Variants in CEMIP observed in about 807,000 individuals in gnomAD.
CEMIP encodes cell migration inducing hyaluronidase 1.
In CEMIP, 105 loss-of-function variants were observed where a neutral mutation model predicts 156.9. That is an observed-to-expected ratio of 0.67 (90% CI 0.57 to 0.79). The LOEUF is 0.79. CEMIP is among the 30% of genes least tolerant of loss of function. CEMIP has a pLI of 0.00. For synonymous variants in CEMIP, 676 were observed against 668.4 expected, an observed-to-expected ratio of 1.01 and a Z score of -0.17; for missense variants, 1,457 against 1,769.4, an observed-to-expected ratio of 0.82 and a Z score of 3.17.
intron 1 of CEMIP, among the ~76,000 whole-genome samples, chr15:80,784,511 G>A (rs1895878833): frequency 6.6e-6 from 1 of 152,148 alleles, no homozygotes; most frequent in Non-Finnish European, 1.5e-5. Flanking sequence ...CAGTGGCCTG[G>A]AGGACAGGCA....
In CEMIP at chr15:80,914,388, T is replaced by C. The variant is rs561415112; in HGVS notation, c.1797+5082T>C. Among the ~76,000 whole-genome samples, 3 of 152,308 alleles carry C rather than the reference T, an allele frequency of 2.0e-5. No homozygotes were observed. In the East Asian group the frequency reaches 5.8e-4, roughly 29 times the overall value. Reference sequence around the variant, plus strand: ...TGCTCAAAATGTGCTATCTTTGACATAAATGCTTCCAATAGCCACAAGATG... The same window carrying C: ...TGCTCAAAATGTGCTATCTTTGACACAAATGCTTCCAATAGCCACAAGATG... On this transcript the variant is annotated intron_variant, in intron 14 of 29. Transcript: ENST00000394685.
intron 16 of CEMIP, 49 bp downstream of exon 16, chr15:80,921,150 A>G (rs1315835588): frequency 6.5e-7 from 1 of 1,530,380 alleles, no homozygotes; most frequent in East Asian, 2.3e-5. Flanking sequence ...TGGGGGCTGG[A>G]GTCAGGGAGA....
chr15:80,849,005 T>TGA (rs1316051106), intron 1 of CEMIP, among the ~76,000 whole-genome samples: 119 of 106,960 alleles, frequency 1.1e-3, no homozygotes, highest in Non-Finnish European at 1.9e-3. Flanking sequence ...TTTTTTTTTT[T>TGA]GAGAGAGATA....
At chr15:80,853,260 G>A (rs1198429819) in intron 1 of CEMIP, among the ~76,000 whole-genome samples, 1 of 152,180 alleles carries the variant, frequency 6.6e-6, no homozygotes, top group Non-Finnish European at 1.5e-5. Flanking sequence ...AATGGAAAGG[G>A]GGGAAAAGCA....
intron 10 of CEMIP, among the ~76,000 whole-genome samples, chr15:80,894,111 C>G (rs768590437): frequency 6.6e-6 from 1 of 152,194 alleles, no homozygotes; most frequent in African/African-American, 2.4e-5. Context: ...TCACTCTGTG[C>G]CAGGCCCTGG....
intron 6 of CEMIP, among the ~76,000 whole-genome samples, chr15:80,881,580 G>A (rs576292420): frequency 2.0e-5 from 3 of 152,326 alleles, no homozygotes; most frequent in East Asian, 3.9e-4. Flanking sequence ...ATTCTCAAAC[G>A]ATGGAAAGGC....
rs564424758 is a variant in CEMIP at position 80,881,131 on chromosome 15, T to C, written c.612T>C (p.Ser204=). Reference sequence around the variant, plus strand: ...CCAAATCAGGCACAGTCATCCATTCTGACCGGTAAGGTTTGCCTTCACTTA... The same window carrying C: ...CCAAATCAGGCACAGTCATCCATTCCGACCGGTAAGGTTTGCCTTCACTTA... ...IDPKSGTVIH[S]DRFDTYRSKK... Residue 204 remains serine (S), a synonymous_variant, in exon 6 of 30, where the codon TCT becomes TCC. Transcript: ENST00000394685. The C allele has an allele frequency of 3.7e-6, 6 of 1,613,734 alleles. No individual in the cohort carries two copies. The African/African-American group carries it at 4.0e-5, about 11-fold the overall frequency.
intron 1 of CEMIP, among the ~76,000 whole-genome samples, chr15:80,811,447 T>C (rs1444835687): frequency 1.3e-5 from 2 of 152,242 alleles, no homozygotes; most frequent in Non-Finnish European, 2.9e-5. Context: ...CTTCTGGACA[T>C]GGTCAAGTGA....
rs1166506208 is a variant in CEMIP, at chr15:80,780,387, T to A, written c.-176+773T>A. On this transcript the variant is annotated intron_variant, in intron 1 of 29. Coordinates refer to ENST00000394685, the MANE Select transcript of CEMIP (RefSeq NM_001293298.2). ...GCTGGCCAGGTCTCCAGCTCGCCGC[T>A]CTGGGAACGAAGGCCAGTGACATTC... Among the ~76,000 whole-genome samples, 5 of 152,222 alleles carry A rather than the reference T, an allele frequency of 3.3e-5. No individual in the cohort carries two copies. In the East Asian group the frequency reaches 9.7e-4, roughly 30 times the overall value.
intron 1 of CEMIP, among the ~76,000 whole-genome samples, chr15:80,841,106 G>A (rs1897403978): frequency 6.6e-6 from 1 of 152,210 alleles, no homozygotes; most frequent in Admixed American, 6.5e-5. Context: ...GGCACCTGTG[G>A]CTTTGCCAGC....
At chr15:80,869,993 G>C (rs1320771781) in intron 1 of CEMIP, among the ~76,000 whole-genome samples, 1 of 152,174 alleles carries the variant, frequency 6.6e-6, no homozygotes, top group Non-Finnish European at 1.5e-5. Flanking sequence ...CATGGCTTGA[G>C]CACTGACCAC....
At chr15:80,910,420 T>A (rs116172234) in intron 14 of CEMIP, among the ~76,000 whole-genome samples, 2 of 152,090 alleles carry the variant, frequency 1.3e-5, no homozygotes, top group South Asian at 4.1e-4. Context: ...GGCATTTGAG[T>A]TTGTAAGCAC....
intron 28 of CEMIP, among the ~76,000 whole-genome samples, chr15:80,943,568 C>G (rs997107776): frequency 6.6e-6 from 1 of 152,218 alleles, no homozygotes; most frequent in Non-Finnish European, 1.5e-5. Flanking sequence ...CCAAACCAGC[C>G]ACTCATCCTA....
intron 1 of CEMIP, among the ~76,000 whole-genome samples, chr15:80,802,007 C>G (rs1292400486): frequency 6.6e-6 from 1 of 152,176 alleles, no homozygotes; most frequent in African/African-American, 2.4e-5. Flanking sequence ...ACTTGAGCAT[C>G]TGGAGAGTGT....
intron 17 of CEMIP, among the ~76,000 whole-genome samples, chr15:80,923,640 GC>G (rs1014939728): frequency 2.0e-5 from 3 of 152,158 alleles, no homozygotes; most frequent in African/African-American, 7.2e-5. Flanking sequence ...AGAACCTCCA[GC>G]TGGATGGATT....
intron 1 of CEMIP, among the ~76,000 whole-genome samples, chr15:80,855,956 C>A (rs1897844019): frequency 6.6e-6 from 1 of 152,206 alleles, no homozygotes; most frequent in Non-Finnish European, 1.5e-5. Context: ...TCTACTGATA[C>A]ACACAGCAAC....
At chr15:80,821,899 A>C (rs1254377650) in intron 1 of CEMIP, among the ~76,000 whole-genome samples, 2 of 152,216 alleles carry the variant, frequency 1.3e-5, no homozygotes, top group East Asian at 1.9e-4. Context: ...TCTTGGAAGC[A>C]CTTGAACTTT....
chr15:80,878,495 A>T (rs1026918888), intron 3 of CEMIP, among the ~76,000 whole-genome samples: 1 of 152,210 alleles, frequency 6.6e-6, no homozygotes, highest in Non-Finnish European at 1.5e-5. Context: ...AAGGGAAGTG[A>T]CTTATTCACA....
At chr15:80,858,446 G>A (rs1897904777) in intron 1 of CEMIP, among the ~76,000 whole-genome samples, 1 of 152,146 alleles carries the variant, frequency 6.6e-6, no homozygotes, top group Non-Finnish European at 1.5e-5. Context: ...GGGCTTGGTG[G>A]CTCACGCCTG....
Sources: allele counts gnomAD v4.1 joint callset (sites outside exome capture counted in the v4.1 genomes callset), GRCh38; gene constraint gnomAD v4.1.1; transcripts MANE v1.5; gene names NCBI Gene and HGNC (gene_info 2026-07-23, HGNC 2026-07-21).